DSCAM: variants seen among roughly 807,000 people sequenced by gnomAD.
The protein encoded by DSCAM is DS cell adhesion molecule, also known as cell adhesion molecule DSCAM.
DSCAM carries 47 observed loss-of-function variants against 217.7 expected under a neutral mutation model. The observed-to-expected ratio is 0.22, with a 90% CI of 0.17 to 0.28. DSCAM has a LOEUF of 0.28. Among genes scored for constraint, DSCAM ranks in the 10% least tolerant of loss-of-function variants. DSCAM has a pLI of 1.00. For synonymous variants in DSCAM, 1,056 were observed against 1,015.3 expected, an observed-to-expected ratio of 1.04 and a Z score of -0.76; for missense variants, 2,080 against 2,618.3, an observed-to-expected ratio of 0.79 and a Z score of 4.49.
intron 1 of DSCAM, among the ~76,000 whole-genome samples, chr21:40,833,583 A>C (rs1174551584): frequency 6.6e-6 from 1 of 152,230 alleles, no homozygotes; most frequent in Non-Finnish European, 1.5e-5. Context: ...CTGAGCATCC[A>C]TGTTCTTAAT....
At chr21:40,368,363 A>T (rs189415583) in intron 4 of DSCAM, among the ~76,000 whole-genome samples, 1 of 152,222 alleles carries the variant, frequency 6.6e-6, no homozygotes, top group African/African-American at 2.4e-5. Context: ...CTATAAAAGC[A>T]AGGGAGAAAA....
At chr21:40,742,572 C>T (rs557260394) in intron 1 of DSCAM, among the ~76,000 whole-genome samples, 77 of 152,318 alleles carry the variant, frequency 5.1e-4, no homozygotes, top group Non-Finnish European at 9.4e-4. Context: ...TAAGCCACTA[C>T]GTTTGTGATA....
At chr21:40,778,817 G>T (rs2091512883) in intron 1 of DSCAM, among the ~76,000 whole-genome samples, 1 of 151,888 alleles carries the variant, frequency 6.6e-6, no homozygotes, top group Non-Finnish European at 1.5e-5. Flanking sequence ...CTGAGGTCGG[G>T]GGTTTGAGAC....
chr21:40,032,026 C>T (rs2088535409), intron 32 of DSCAM, among the ~76,000 whole-genome samples: 1 of 152,212 alleles, frequency 6.6e-6, no homozygotes, highest in South Asian at 2.1e-4. Context: ...AATATACCTT[C>T]CCTCTGTCTG....
rs527514495 is a variant in DSCAM at position 40,390,390 on chromosome 21, C to G, written c.509-21145G>C. On this transcript the variant is annotated intron_variant, in intron 3 of 32. Coordinates refer to ENST00000400454, the MANE Select transcript of DSCAM (RefSeq NM_001389.5). Reference sequence around the variant, plus strand: ...AAACTGACAGGTACAAAAATAAGACCTGAATAATTCATGGAGAGAAGGTGG... The same window carrying G: ...AAACTGACAGGTACAAAAATAAGACGTGAATAATTCATGGAGAGAAGGTGG... 3.3e-5 allele frequency among the ~76,000 whole-genome samples: 5 copies of G among 152,228 alleles called. No homozygotes were observed. The South Asian group carries it at 1.0e-3, about 32-fold the overall frequency.
rs1198812527 is a variant in DSCAM at position 40,297,819 on chromosome 21, G to A, written c.2063-1645C>T. ...ACATGAAGAAGCACCAGAAAATAAT[G>A]ACTACCAGCATAAAGCCAAGTGTTA... is the stretch of plus-strand genomic sequence containing the variant. On this transcript the variant is annotated intron_variant, in intron 9 of 32. Transcript: ENST00000400454. 2.0e-5 allele frequency among the ~76,000 whole-genome samples: 3 copies of A among 152,172 alleles called. No individual in the cohort carries two copies. In the East Asian group the frequency reaches 5.8e-4, roughly 29 times the overall value.
intron 22 of DSCAM, 150 bp downstream of exon 22, chr21:40,087,020 C>T (rs972251775): frequency 1.6e-6 from 1 of 632,692 alleles, no homozygotes; most frequent in Non-Finnish European, 2.8e-6. Context: ...GATTCCTTCT[C>T]TGCCCTCATC....
intron 1 of DSCAM, among the ~76,000 whole-genome samples, chr21:40,803,732 T>A (rs2091762183): frequency 6.6e-6 from 1 of 152,082 alleles, no homozygotes; most frequent in East Asian, 1.9e-4. Flanking sequence ...GAACTCCAAC[T>A]TGGATAGATC....
rs1018581311 is a variant in DSCAM at position 40,055,044 on chromosome 21, C to A, written c.5035+681G>T. 2.0e-5 allele frequency among the ~76,000 whole-genome samples: 3 copies of A among 152,074 alleles called. No individual in the cohort carries two copies. The South Asian group carries it at 6.2e-4, about 32-fold the overall frequency. On this transcript the variant is annotated intron_variant, in intron 29 of 32. Transcript: ENST00000400454. Reference sequence around the variant, plus strand: ...TTCACTCCGGAATAAATAGAATAATCGAGGCAGGCAGTGTGGGGTAATGGA... The same window carrying A: ...TTCACTCCGGAATAAATAGAATAATAGAGGCAGGCAGTGTGGGGTAATGGA...
chr21:40,522,113 A>C (rs1318269974), intron 3 of DSCAM, among the ~76,000 whole-genome samples: 1 of 152,218 alleles, frequency 6.6e-6, no homozygotes, highest in Non-Finnish European at 1.5e-5. Context: ...CTGCTATAGA[A>C]CAAAGCTAGG....
intron 4 of DSCAM, among the ~76,000 whole-genome samples, chr21:40,354,722 G>A (rs960491123): frequency 6.6e-6 from 1 of 151,708 alleles, no homozygotes; most frequent in Non-Finnish European, 1.5e-5. Context: ...GGTGGCGGGC[G>A]CCTGTAGTCC....
At chr21:40,326,405 A>C (rs2074317633) in intron 8 of DSCAM, among the ~76,000 whole-genome samples, 1 of 152,228 alleles carries the variant, frequency 6.6e-6, no homozygotes, top group Non-Finnish European at 1.5e-5. Flanking sequence ...TTGAGACAAA[A>C]TAGACACATC....
chr21:40,290,003 C>T (rs1399685019), intron 10 of DSCAM, among the ~76,000 whole-genome samples: 1 of 152,038 alleles, frequency 6.6e-6, no homozygotes, highest in African/African-American at 2.4e-5. Flanking sequence ...AAGGCAGAAC[C>T]GGAGTTGGCA....
At chr21:40,369,376 G>C in intron 3 of DSCAM, 131 bp from the exon 4 acceptor site, 1 of 704,166 alleles carries the variant, frequency 1.4e-6, no homozygotes, top group South Asian at 2.1e-5. Context: ...AAATGGGTGC[G>C]TGCGTCTGCG....
At chr21:40,636,366 T>TAGAGAGAGAGGGAGAG (rs1388884989) in intron 3 of DSCAM, among the ~76,000 whole-genome samples, 1 of 151,434 alleles carries the variant, frequency 6.6e-6, no homozygotes, top group East Asian at 1.9e-4. Context: ...GGTTAAATAT[T>TAGAGAGAGAGGGAGAG]AGAGAGAGAG....
chr21:40,677,935 T>C (rs1220673373), intron 3 of DSCAM, among the ~76,000 whole-genome samples: 2 of 152,158 alleles, frequency 1.3e-5, no homozygotes, highest in African/African-American at 4.8e-5. Context: ...ACCCAATGCA[T>C]GGTAACTTGT....
intron 3 of DSCAM, among the ~76,000 whole-genome samples, chr21:40,436,651 G>C (rs76272754): frequency 1.3e-5 from 2 of 152,288 alleles, no homozygotes; most frequent in East Asian, 3.9e-4. Flanking sequence ...ATATGATGAG[G>C]GGTGTCAGGA....
chr21:40,335,148 T>TCTCACTTTTTCCAGGCAGCTTTTCC (rs2074417100), intron 8 of DSCAM, among the ~76,000 whole-genome samples: 1 of 152,122 alleles, frequency 6.6e-6, no homozygotes, highest in Non-Finnish European at 1.5e-5. Context: ...TTGCTCAAAA[T>TCTCACTTTTTCCAGGCAGCTTTTCC]CTCACTTTTT....
At chr21:40,736,128 C>T (rs2091060974) in intron 1 of DSCAM, among the ~76,000 whole-genome samples, 1 of 152,174 alleles carries the variant, frequency 6.6e-6, no homozygotes, top group Non-Finnish European at 1.5e-5. Context: ...AAGGATGTAA[C>T]TCAGAAATAG....
Sources: allele counts gnomAD v4.1 joint callset (sites outside exome capture counted in the v4.1 genomes callset), GRCh38; gene constraint gnomAD v4.1.1; transcripts MANE v1.5; gene names NCBI Gene and HGNC (gene_info 2026-07-23, HGNC 2026-07-21).